The following MFHAS1 variants were observed in gnomAD, a reference collection of about 807,000 sequenced individuals.
The protein encoded by MFHAS1 is malignant fibrous histiocytoma-amplified sequence 1.
In MFHAS1, 50 loss-of-function variants were observed where a neutral mutation model predicts 70.4. The observed-to-expected ratio is 0.71, with a 90% confidence interval of 0.57 to 0.90. MFHAS1 has a LOEUF of 0.90. Ranked by LOEUF, MFHAS1 falls within the 40% of genes least tolerant of loss-of-function variation. The pLI is 0.00. For missense variants in MFHAS1, 1,795 were observed against 1,347.6 expected, an observed-to-expected ratio of 1.33 and a Z score of -5.20; for synonymous variants, 952 against 620.0, an observed-to-expected ratio of 1.54 and a Z score of -7.96.
chr8:8,795,999 CAAG>C (rs1805879424), intron 2 of MFHAS1, among the ~76,000 whole-genome samples: 1 of 152,166 alleles, frequency 6.6e-6, no homozygotes, highest in South Asian at 2.1e-4. Context: ...AGATCTGACC[CAAG>C]AAGATCTGTG....
At chr8:8,863,334 G>C (rs1326411529) in intron 1 of MFHAS1, among the ~76,000 whole-genome samples, 1 of 152,114 alleles carries the variant, frequency 6.6e-6, no homozygotes, top group Non-Finnish European at 1.5e-5. Context: ...ATATATCACA[G>C]GACCTCAAAC....
At chr8:8,872,483 C>T (rs1809115739) in intron 1 of MFHAS1, among the ~76,000 whole-genome samples, 1 of 152,212 alleles carries the variant, frequency 6.6e-6, no homozygotes, top group South Asian at 2.1e-4. Context: ...AAACAGTCAT[C>T]TGGCTTTTCT....
At chr8:8,821,032 C>T (rs975561839) in intron 1 of MFHAS1, among the ~76,000 whole-genome samples, 4 of 152,186 alleles carry the variant, frequency 2.6e-5, no homozygotes, top group Admixed American at 6.5e-5. Context: ...TGACAGCCTA[C>T]GTGAGTCAGC....
chr8:8,808,645 A>C (rs1293023070), intron 1 of MFHAS1, among the ~76,000 whole-genome samples: 1 of 152,242 alleles, frequency 6.6e-6, no homozygotes, highest in East Asian at 1.9e-4. Flanking sequence ...AATCCATGCT[A>C]GTTTTGCTGC....
chr8:8,833,043 C>G (rs1290741577), intron 1 of MFHAS1, among the ~76,000 whole-genome samples: 1 of 152,026 alleles, frequency 6.6e-6, no homozygotes, highest in Non-Finnish European at 1.5e-5. Context: ...CAGAGGGCAA[C>G]GGGGGAGCAG....
chr8:8,848,783 G>C (rs1341070436), intron 1 of MFHAS1, among the ~76,000 whole-genome samples: 1 of 152,082 alleles, frequency 6.6e-6, no homozygotes, highest in Non-Finnish European at 1.5e-5. Flanking sequence ...TCGGCCCACA[G>C]GCTACTTAAC....
chr8:8,791,928 G>GT (rs1224788728), intron 2 of MFHAS1, among the ~76,000 whole-genome samples: 1 of 152,168 alleles, frequency 6.6e-6, no homozygotes, highest in Non-Finnish European at 1.5e-5. Context: ...AGGATAACGT[G>GT]TTTATGAGAA....
At chr8:8,832,263 TGAA>T (rs1235419292) in intron 1 of MFHAS1, among the ~76,000 whole-genome samples, 2 of 151,944 alleles carry the variant, frequency 1.3e-5, no homozygotes, top group African/African-American at 4.8e-5. Flanking sequence ...AAAAGACACT[TGAA>T]GAAAATGAAA....
In MFHAS1 at chr8:8,859,492, T is replaced by C. The variant is rs1808580748; in HGVS notation, c.2998+30569A>G. On this transcript the variant is annotated intron_variant, in intron 1 of 2. Transcript: ENST00000276282. ...ACAACACGGGTGTGAACTGTGCTGG[T>C]CTACTTATATGACAGTTTTCTTCCA... Among the ~76,000 whole-genome samples, 3 of 152,168 alleles carry C rather than the reference T, an allele frequency of 2.0e-5. No individual in the cohort carries two copies. In the South Asian group the frequency reaches 6.2e-4, roughly 32 times the overall value.
chr8:8,841,400 A>G (rs1807818084), intron 1 of MFHAS1, among the ~76,000 whole-genome samples: 1 of 151,836 alleles, frequency 6.6e-6, no homozygotes, highest in Non-Finnish European at 1.5e-5. Context: ...GCTTGAACCC[A>G]GGAGGCAGAG....
At chr8:8,789,845 C>T (rs746826526) in intron 2 of MFHAS1, among the ~76,000 whole-genome samples, 2 of 152,110 alleles carry the variant, frequency 1.3e-5, no homozygotes, top group East Asian at 3.9e-4. Flanking sequence ...AGCCAGGTGC[C>T]AGACGACTAA....
chr8:8,878,700 G>T (rs1417377555), intron 1 of MFHAS1, among the ~76,000 whole-genome samples: 1 of 151,870 alleles, frequency 6.6e-6, no homozygotes, highest in Admixed American at 6.6e-5. Context: ...AGGAGGGAAG[G>T]ACAGAAAGAG....
At chr8:8,865,303 A>G (rs1240292708) in intron 1 of MFHAS1, among the ~76,000 whole-genome samples, 1 of 150,220 alleles carries the variant, frequency 6.7e-6, no homozygotes. Flanking sequence ...AAAAAAAAGA[A>G]ATGTTTCACT....
chr8:8,795,966 G>C (rs1022456029), intron 2 of MFHAS1, among the ~76,000 whole-genome samples: 5 of 152,188 alleles, frequency 3.3e-5, no homozygotes, highest in African/African-American at 1.2e-4. Context: ...AGAAATCATG[G>C]TGCTGACATC....
Position 8,891,620 on chromosome 8 carries a change from C to G in MFHAS1, c.1439G>C (p.Gly480Ala). ...CTGGATCACCTCATAACTTTCATCCCCAGCTAAGTCATACACGATGAACCG... is the reference window on the plus strand; with the variant it reads ...CTGGATCACCTCATAACTTTCATCCGCAGCTAAGTCATACACGATGAACCG... ...GLRFIVYDLA[G>A]DESYEVIQPF... is the part of the protein sequence containing the mutation. Residue 480 changes from glycine (G) to alanine (A), a missense_variant, in exon 1 of 3, where the codon GGG becomes GCG. Physicochemically the swap from Gly to Ala is moderately conservative, Grantham distance 60. Coordinates refer to ENST00000276282, the MANE Select transcript of MFHAS1 (RefSeq NM_004225.3). The surrounding 1 kb of genome is among the most constrained non-coding windows in gnomAD (Gnocchi z 5.4). The G allele has an allele frequency of 1.2e-6, 2 of 1,613,592 alleles. No individual in the cohort carries two copies. Among genetic ancestry groups the G allele is most frequent in the Non-Finnish European group, 1.7e-6 (2 of 1,180,038 alleles).
rs770666525 is a variant in MFHAS1, at chr8:8,892,786, G to A, written c.273C>T (p.Val91=). The change falls in exon 1 of 3, where the codon GTC becomes GTT. Residue 91 remains valine, a synonymous_variant. Transcript: ENST00000276282. The surrounding 1 kb of genome is among the most constrained non-coding windows in gnomAD (Gnocchi z 4.7). The part of the protein sequence containing the change: ...GLGSALGSLR[V]LVLRRNRFAR... ...CGAAGCGGTTCCTGCGCAGGACCAG[G>A]ACGCGCAGGCTGCCCAGCGCCGACC... 5 of 1,584,944 alleles carry A rather than the reference G, an allele frequency of 3.2e-6. No homozygotes were observed. Among genetic ancestry groups the A allele is most frequent in the Admixed American group, 1.8e-5 (1 of 55,738 alleles).
chr8:8,885,054 C>A (rs796224590), intron 1 of MFHAS1, among the ~76,000 whole-genome samples: 11 of 152,234 alleles, frequency 7.2e-5, no homozygotes, highest in African/African-American at 2.4e-4. Flanking sequence ...GGGTGTGTCT[C>A]TGGCTCAGAA....
At chr8:8,874,367 CACACACAT>C (rs958922158) in intron 1 of MFHAS1, among the ~76,000 whole-genome samples, 4 of 133,088 alleles carry the variant, frequency 3.0e-5, no homozygotes, top group African/African-American at 1.1e-4. Context: ...CACACACACA[CACACACAT>C]AATAATCTTC....
At chr8:8,864,182 T>A (rs1808774030) in intron 1 of MFHAS1, among the ~76,000 whole-genome samples, 1 of 152,226 alleles carries the variant, frequency 6.6e-6, no homozygotes, top group Admixed American at 6.5e-5. Flanking sequence ...TGATTGGCTT[T>A]CTGTGCGGCA....
Sources: allele counts gnomAD v4.1 joint callset (sites outside exome capture counted in the v4.1 genomes callset), GRCh38; gene constraint gnomAD v4.1.1; non-coding constraint Gnocchi (gnomAD v3.1); transcripts MANE v1.5; gene names NCBI Gene and HGNC (gene_info 2026-07-23, HGNC 2026-07-21).